The following AXIN2 variants were observed in gnomAD, a reference collection of about 807,000 sequenced individuals.
AXIN2 encodes axin 2.
Under a neutral mutation model 74.7 loss-of-function variants are expected in AXIN2, and 21 were observed. That is an observed-to-expected ratio of 0.28 (90% CI 0.20 to 0.40). The LOEUF (loss-of-function observed/expected upper bound fraction) is 0.40. Among genes scored for constraint, AXIN2 ranks in the 10% least tolerant of loss-of-function variants. The pLI, the probability that AXIN2 is intolerant of heterozygous loss-of-function variation, is 1.00. For synonymous variants in AXIN2, 532 were observed against 454.9 expected, an observed-to-expected ratio of 1.17 and a Z score of -2.16; for missense variants, 1,144 against 1,111.1, an observed-to-expected ratio of 1.03 and a Z score of -0.42.
At chr17:65,532,376 G>A (rs988130049) in intron 10 of AXIN2, among the ~76,000 whole-genome samples, 9 of 152,120 alleles carry the variant, frequency 5.9e-5, no homozygotes, top group African/African-American at 1.9e-4. Context: ...TCCCCAGAGG[G>A]ACACACTTGT....
At chr17:65,536,630 G>T in intron 7 of AXIN2, 77 bp from the exon 8 acceptor site, 1 of 1,532,614 alleles carries the variant, frequency 6.5e-7, no homozygotes. Flanking sequence ...GACTTCAATA[G>T]AAACTTGTCT....
At chr17:65,538,510 C>T (rs1343053554) in intron 4 of AXIN2, among the ~76,000 whole-genome samples, 167 bp from the exon 5 acceptor site, 4 of 151,768 alleles carry the variant, frequency 2.6e-5, no homozygotes, top group Non-Finnish European at 4.4e-5. Context: ...GCGCTAGCGC[C>T]ATGGCCTCAT....
intron 4 of AXIN2, 152 bp from the exon 5 acceptor site, chr17:65,538,495 T>C (rs568377447): frequency 7.0e-6 from 7 of 1,006,556 alleles, no homozygotes; most frequent in Non-Finnish European, 1.0e-5. Flanking sequence ...GCTCGGGACT[T>C]TTATGCGCTA....
chr17:65,538,147 A>T lies in AXIN2; in HGVS notation c.1200+56T>A, dbSNP rs775302620. The T allele has an allele frequency of 1.3e-5, 21 of 1,613,158 alleles. No homozygotes were observed. In the East Asian group the frequency reaches 4.7e-4, roughly 36 times the overall value. ...ACGCACCCCATGCACATGCGCATACACATACGAGCGCTCACGCCGTGGACG... is the reference window on the plus strand; with the variant it reads ...ACGCACCCCATGCACATGCGCATACTCATACGAGCGCTCACGCCGTGGACG... On this transcript the variant is annotated intron_variant, in intron 5 of 10. Coordinates refer to ENST00000307078, the MANE Select transcript of AXIN2 (RefSeq NM_004655.4).
At chr17:65,561,296 CG>C (rs1334711859) in intron 1 of AXIN2, 153 bp downstream of exon 1, 1 of 145,706 alleles carries the variant, frequency 6.9e-6, no homozygotes, top group East Asian at 2.0e-4. Context: ...TCCGCAGGGC[CG>C]CCCCGCCCGC....
rs1431858462 is a variant in AXIN2, at chr17:65,541,522, T to C, written c.992A>G (p.Lys331Arg). 1 of 1,614,066 alleles carries C rather than the reference T, an allele frequency of 6.2e-7. No individual in the cohort carries two copies. Among genetic ancestry groups the C allele is most frequent in the Non-Finnish European group, 8.5e-7 (1 of 1,180,032 alleles). Residue 331 changes from lysine (K) to arginine (R), a missense_variant, in exon 4 of 11, where the codon AAA becomes AGA. This residue lies in a region of AXIN2 where 1,053 missense variants were observed against 973.5 expected (regional missense o/e 1.08). Transcript: ENST00000307078. ...GIPPYRVGSK[K>R]QLQREMHRSV... ...GCGATGCATTTCTCTCTGGAGCTGTTTCTTACTGCCCACACGATAAGGAGG... is the reference window on the plus strand; with the variant it reads ...GCGATGCATTTCTCTCTGGAGCTGTCTCTTACTGCCCACACGATAAGGAGG...
At chr17:65,556,131 C>T (rs1356069539) in intron 2 of AXIN2, among the ~76,000 whole-genome samples, 1 of 152,152 alleles carries the variant, frequency 6.6e-6, no homozygotes, top group African/African-American at 2.4e-5. Flanking sequence ...CAACTGCCCA[C>T]CCACAAAGGG....
intron 4 of AXIN2, among the ~76,000 whole-genome samples, chr17:65,539,920 C>T (rs898646322): frequency 6.6e-6 from 1 of 152,208 alleles, no homozygotes; most frequent in Non-Finnish European, 1.5e-5. Flanking sequence ...CAGCCATGTG[C>T]TGGCTGCTTT....
chr17:65,537,690 G>A lies in AXIN2; in HGVS notation c.1346C>T (p.Thr449Ile). 2.6e-6 allele frequency: 4 copies of A among 1,557,422 alleles called. No individual in the cohort carries two copies. The highest frequency in any genetic ancestry group is 3.5e-6 in the Non-Finnish European group (4 of 1,151,338). ...LDDHLSRVLK[T>I]PGCQSPGVGR... ...TACGCCTGGAGACTGGCAGCCAGGG[G>A]TCTTGAGGACCCTGGACAGGTGATC... The change falls in exon 6 of 11, where the codon ACC becomes ATC. Residue 449 changes from threonine (T) to isoleucine (I), a missense_variant. Thr to Ile is a moderately conservative substitution (Grantham distance 89). This residue lies in a region of AXIN2 where 1,053 missense variants were observed against 973.5 expected (regional missense o/e 1.08). Transcript: ENST00000307078.
Position 65,538,349 on chromosome 17 carries a change from G to A in AXIN2, c.1060-6C>T. 1 of 1,614,096 alleles carries A rather than the reference G, an allele frequency of 6.2e-7. No homozygotes were observed. The highest frequency in any genetic ancestry group is 8.5e-7 in the Non-Finnish European group (1 of 1,179,990). Reference sequence around the variant, plus strand: ...TTGGGCAGGCGGTGGGTTCTCTACAGGACGTGGAAAGGAAAGGGAGGAGGC... The same window carrying A: ...TTGGGCAGGCGGTGGGTTCTCTACAAGACGTGGAAAGGAAAGGGAGGAGGC... On this transcript the variant is annotated splice_polypyrimidine_tract_variant and splice_region_variant and intron_variant, in intron 4 of 10. Transcript: ENST00000307078.
chr17:65,546,508 T>G (rs1479271484), intron 3 of AXIN2, among the ~76,000 whole-genome samples: 1 of 152,146 alleles, frequency 6.6e-6, no homozygotes, highest in African/African-American at 2.4e-5. Context: ...GAGACCCCCA[T>G]GCCTGGCACC....
chr17:65,540,308 A>T (rs1238327811), intron 4 of AXIN2, among the ~76,000 whole-genome samples: 1 of 152,174 alleles, frequency 6.6e-6, no homozygotes. Flanking sequence ...AGCACCTATT[A>T]TGTGTCAGGT....
intron 3 of AXIN2, among the ~76,000 whole-genome samples, chr17:65,542,302 C>T (rs2044055729): frequency 6.6e-6 from 1 of 152,230 alleles, no homozygotes. Flanking sequence ...GCCAGATCTT[C>T]TCCTAGGCAC....
rs377642903 is a variant in AXIN2 at position 65,536,499 on chromosome 17, G to A, written c.1962C>T (p.Gly654=). The change falls in exon 8 of 11, where the codon GGC becomes GGT. Residue 654 remains glycine (G), a synonymous_variant. Coordinates refer to ENST00000307078, the MANE Select transcript of AXIN2 (RefSeq NM_004655.4). Reference sequence around the variant, plus strand: ...ACAGATGGTGCCGGCTGGCTCGTTCGCCTGGAGACGAGCGGGCAGACTCCA... The same window carrying A: ...ACAGATGGTGCCGGCTGGCTCGTTCACCTGGAGACGAGCGGGCAGACTCCA... The part of the protein sequence containing the change: ...YPLESARSSP[G]ERASRHHLWG... 6.2e-6 allele frequency: 10 copies of A among 1,613,854 alleles called. No individual in the cohort carries two copies. Among genetic ancestry groups the A allele is most frequent in the African/African-American group, 1.3e-5 (1 of 75,074 alleles).
At chr17:65,540,001 C>G (rs1034381919) in intron 4 of AXIN2, among the ~76,000 whole-genome samples, 1 of 152,184 alleles carries the variant, frequency 6.6e-6, no homozygotes, top group Non-Finnish European at 1.5e-5. Context: ...CAGGAAGAAG[C>G]TGCTCAGGAG....
Position 65,536,883 on chromosome 17 carries a change from C to A in AXIN2, c.1893G>T (p.Lys631Asn), listed in dbSNP as rs761440645. Residue 631 changes from lysine to asparagine, a missense_variant, in exon 7 of 11, where the codon AAG becomes AAT. Transcript: ENST00000307078. ...GCGGTGTTTACCTATGGGGCTTGGG[C>A]TTGCTCTGCCGCTCACTCTCCAGCA... ...QWMLESERQS[K>N]PKPHSAQSTK... The A allele has an allele frequency of 6.2e-7, 1 of 1,613,356 alleles. No individual in the cohort carries two copies. The highest frequency in any genetic ancestry group is 8.5e-7 in the Non-Finnish European group (1 of 1,179,938).
intron 1 of AXIN2, chr17:65,561,151 C>T (rs1248060676): frequency 6.7e-6 from 1 of 150,070 alleles, no homozygotes; most frequent in Non-Finnish European, 1.5e-5. Flanking sequence ...CACCAAATGT[C>T]CTCCGGGCGC....
intron 10 of AXIN2, among the ~76,000 whole-genome samples, chr17:65,531,560 G>GC (rs2043818002): frequency 6.6e-6 from 1 of 151,934 alleles, no homozygotes; most frequent in Admixed American, 6.6e-5. Context: ...GACCCCTTTG[G>GC]CCCCAGCTCC....
At chr17:65,547,337 C>A (rs1371356465) in intron 3 of AXIN2, among the ~76,000 whole-genome samples, 3 of 152,194 alleles carry the variant, frequency 2.0e-5, no homozygotes, top group South Asian at 4.1e-4. Flanking sequence ...ATGTTGAGAA[C>A]GCTCATGCCT....
Sources: allele counts gnomAD v4.1 joint callset (sites outside exome capture counted in the v4.1 genomes callset), GRCh38; gene constraint gnomAD v4.1.1; regional missense constraint gnomAD v4.1.1; transcripts MANE v1.5; gene names NCBI Gene and HGNC (gene_info 2026-07-23, HGNC 2026-07-21).